Variants in KAZN observed in about 807,000 individuals in gnomAD.
KAZN encodes the protein kazrin.
KAZN carries 40 observed loss-of-function variants against 87.4 expected under a neutral mutation model. The observed-to-expected ratio is 0.46, with a 90% CI of 0.36 to 0.60. The LOEUF (loss-of-function observed/expected upper bound fraction) is 0.60, where lower values mean the gene tolerates loss of function less well. KAZN is among the 20% of genes least tolerant of loss of function. The probability of loss-of-function intolerance (pLI) is 0.00; values close to 1 mark genes in which losing one functional copy is unlikely to be tolerated. For synonymous variants in KAZN, 466 were observed against 458.3 expected, an observed-to-expected ratio of 1.02 and a Z score of -0.22; for missense variants, 898 against 1,073.9, an observed-to-expected ratio of 0.84 and a Z score of 2.29.
intron 1 of KAZN, among the ~76,000 whole-genome samples, chr1:13,979,592 T>G (rs1265668661): frequency 6.6e-6 from 1 of 152,152 alleles, no homozygotes; most frequent in African/African-American, 2.4e-5. Context: ...TAAATGTAAT[T>G]TAAATCTGTC....
intron 1 of KAZN, among the ~76,000 whole-genome samples, chr1:13,946,884 TACA>T (rs111565056): frequency 0.14 from 21,061 of 152,084 alleles, 1,537 homozygotes; most frequent in Middle Eastern, 0.22. Flanking sequence ...CTTAGTGGCT[TACA>T]ACAACAGAAA....
intron 2 of KAZN, among the ~76,000 whole-genome samples, chr1:14,278,863 T>G (rs1652612424): frequency 6.6e-6 from 1 of 151,122 alleles, no homozygotes; most frequent in Admixed American, 6.6e-5. Flanking sequence ...TGACATTTTC[T>G]TCCCTCCTCT....
chr1:13,958,586 A>AG (rs1641637664), intron 1 of KAZN, among the ~76,000 whole-genome samples: 1 of 151,650 alleles, frequency 6.6e-6, no homozygotes, highest in East Asian at 1.9e-4. Context: ...AAAAAAAAAA[A>AG]AAATTAAAAA....
At chr1:14,122,602 C>A (rs929947360) in intron 1 of KAZN, among the ~76,000 whole-genome samples, 1 of 152,156 alleles carries the variant, frequency 6.6e-6, no homozygotes, top group Non-Finnish European at 1.5e-5. Context: ...TACAGTAGAA[C>A]AATATTCTGT....
intron 2 of KAZN, among the ~76,000 whole-genome samples, chr1:15,010,460 G>A (rs933877802): frequency 2.7e-5 from 4 of 148,796 alleles, no homozygotes; most frequent in Admixed American, 6.8e-5. Flanking sequence ...GCGCAATCTC[G>A]GTTCACTGCA....
chr1:14,338,603 G>A (rs1387316535), intron 2 of KAZN, among the ~76,000 whole-genome samples: 10 of 129,066 alleles, frequency 7.7e-5, no homozygotes, highest in African/African-American at 2.8e-4. Flanking sequence ...AAAGAGAGGC[G>A]ATGGAAGGAA....
rs368286828 is a variant in KAZN at position 14,208,257 on chromosome 1, T to G, written c.249+27665T>G. Among the ~76,000 whole-genome samples, 318 of 152,344 alleles carry G rather than the reference T, an allele frequency of 2.1e-3. 2 individuals are homozygous for G. Among genetic ancestry groups the G allele is most frequent in the African/African-American group, 7.3e-3 (302 of 41,580 alleles). On this transcript the variant is annotated intron_variant, in intron 2 of 16. Coordinates refer to the KAZN transcript ENST00000636203. Reference sequence around the variant, plus strand: ...GGACATAATGTACAGCTATCTGTGTTTAGAAATCAAGTTATCATTTTAATT... The same window carrying G: ...GGACATAATGTACAGCTATCTGTGTGTAGAAATCAAGTTATCATTTTAATT...
intron 1 of KAZN, among the ~76,000 whole-genome samples, chr1:14,628,503 G>A (rs1291475218): frequency 6.6e-6 from 1 of 152,216 alleles, no homozygotes; most frequent in African/African-American, 2.4e-5. Flanking sequence ...GAAGCACAGA[G>A]ACATGAAATG....
chr1:14,422,322 A>G (rs1216755580), intron 2 of KAZN, among the ~76,000 whole-genome samples: 2 of 152,214 alleles, frequency 1.3e-5, no homozygotes, highest in African/African-American at 2.4e-5. Flanking sequence ...GCATGACGAC[A>G]TAGATTAAAT....
At chr1:14,303,246 T>C (rs917963721) in intron 2 of KAZN, among the ~76,000 whole-genome samples, 1 of 152,084 alleles carries the variant, frequency 6.6e-6, no homozygotes, top group Middle Eastern at 3.2e-3. Flanking sequence ...CCTTGACCCA[T>C]GAAATCAGAG....
chr1:14,620,594 C>T (rs945373843), intron 1 of KAZN, among the ~76,000 whole-genome samples: 3 of 152,280 alleles, frequency 2.0e-5, no homozygotes, highest in African/African-American at 7.2e-5. Flanking sequence ...GGAAACTTTC[C>T]TCTTCTTTCT....
At chr1:14,417,182 T>TAA (rs59936555) in intron 2 of KAZN, among the ~76,000 whole-genome samples, 2 of 133,252 alleles carry the variant, frequency 1.5e-5, no homozygotes, top group Admixed American at 7.7e-5. Flanking sequence ...TGTCTCAAAA[T>TAA]AAAAAAAAAA....
chr1:14,116,278 C>T (rs1295406755), intron 1 of KAZN, among the ~76,000 whole-genome samples: 1 of 150,710 alleles, frequency 6.6e-6, no homozygotes, highest in Non-Finnish European at 1.5e-5. Context: ...GCCCAGAGGC[C>T]TAGGAGAAAA....
At chr1:14,123,307 A>G (rs1167810959) in intron 1 of KAZN, among the ~76,000 whole-genome samples, 1 of 152,180 alleles carries the variant, frequency 6.6e-6, no homozygotes, top group Non-Finnish European at 1.5e-5. Flanking sequence ...ACAGATTTTA[A>G]CCAAGTCAAG....
At chr1:14,139,374 G>A (rs1645182705) in intron 1 of KAZN, among the ~76,000 whole-genome samples, 1 of 152,174 alleles carries the variant, frequency 6.6e-6, no homozygotes. Flanking sequence ...TGGTTTACCT[G>A]AAATCCATGT....
intron 2 of KAZN, among the ~76,000 whole-genome samples, chr1:15,001,972 C>T (rs966472568): frequency 6.8e-6 from 1 of 146,728 alleles, no homozygotes; most frequent in African/African-American, 2.6e-5. Flanking sequence ...GCTCCGCCTC[C>T]TGGGTTCACG....
At chr1:14,020,616 T>C (rs1313802531) in intron 1 of KAZN, among the ~76,000 whole-genome samples, 2 of 152,230 alleles carry the variant, frequency 1.3e-5, no homozygotes, top group Non-Finnish European at 2.9e-5. Context: ...TGGATATGCA[T>C]GATAAGTGTC....
At chr1:14,146,921 T>C (rs1329069233) in intron 1 of KAZN, among the ~76,000 whole-genome samples, 1 of 152,150 alleles carries the variant, frequency 6.6e-6, no homozygotes, top group Non-Finnish European at 1.5e-5. Flanking sequence ...GGTCCGCTTC[T>C]TCCACTTCTG....
chr1:14,219,686 G>A (rs537704929), intron 2 of KAZN, among the ~76,000 whole-genome samples: 3 of 152,272 alleles, frequency 2.0e-5, no homozygotes, highest in South Asian at 2.1e-4. Context: ...TATGGACAAA[G>A]TATTATGATA....
Sources: gnomAD v4.1 joint callset for allele counts (sites outside exome capture counted in the v4.1 genomes callset) on GRCh38, gnomAD v4.1.1 for gene constraint, MANE v1.5 for transcripts, NCBI Gene and HGNC (gene_info 2026-07-23, HGNC 2026-07-21) for gene names.